The following DCC variants were observed in gnomAD, a reference collection of about 807,000 sequenced individuals.
DCC encodes DCC netrin 1 receptor.
In DCC, 58 loss-of-function variants were observed where a neutral mutation model predicts 172.5. The observed-to-expected ratio is 0.34, with a 90% CI of 0.27 to 0.42. The LOEUF (loss-of-function observed/expected upper bound fraction) is 0.42, where lower values mean the gene tolerates loss of function less well. DCC is among the 10% of genes least tolerant of loss of function. DCC has a pLI of 1.00. For missense variants in DCC, 1,740 were observed against 1,791.0 expected (o/e 0.97, Z 0.51); for synonymous variants, 709 against 644.5 (o/e 1.10, Z -1.52).
At chr18:53,018,771 C>T (rs1280576089) in intron 5 of DCC, among the ~76,000 whole-genome samples, 1 of 152,094 alleles carries the variant, frequency 6.6e-6, no homozygotes, top group Non-Finnish European at 1.5e-5. Context: ...ATGAATAAAA[C>T]ATGCTCTTTG....
chr18:52,531,413 T>G (rs186851088), intron 1 of DCC, among the ~76,000 whole-genome samples: 2 of 152,322 alleles, frequency 1.3e-5, no homozygotes, highest in African/African-American at 4.8e-5. Context: ...CAGCTTTAAC[T>G]AAAAGAAATA....
intron 1 of DCC, among the ~76,000 whole-genome samples, chr18:52,474,238 G>GAGAT (rs752420213): frequency 2.7e-5 from 2 of 75,176 alleles, no homozygotes; most frequent in African/African-American, 6.7e-5. Flanking sequence ...GAGAGAGAGA[G>GAGAT]AGAGAAAGAG....
chr18:52,888,597 A>G (rs998793722), intron 2 of DCC, among the ~76,000 whole-genome samples: 3 of 152,124 alleles, frequency 2.0e-5, no homozygotes, highest in Non-Finnish European at 2.9e-5. Flanking sequence ...AAAGTGTTCT[A>G]TTCTATAAAG....
At chr18:53,490,363 T>TATCA (rs1404896954) in intron 26 of DCC, among the ~76,000 whole-genome samples, 2 of 152,262 alleles carry the variant, frequency 1.3e-5, no homozygotes, top group Admixed American at 6.5e-5. Flanking sequence ...GCTATATTTC[T>TATCA]ATCAATCACA....
Position 53,493,613 on chromosome 18 carries a change from T to A in DCC, c.3899-5685T>A, listed in dbSNP as rs570904482. The stretch of plus-strand genomic sequence containing the variant: ...GATTTTTGTGGGATCAGTGGTGATA[T>A]CCCCTTTATCATTGTTGATTGTGCC... On this transcript the variant is annotated intron_variant, in intron 26 of 28. Coordinates refer to ENST00000442544, the MANE Select transcript of DCC (RefSeq NM_005215.4). Among the ~76,000 whole-genome samples, 7 of 152,316 alleles carry A rather than the reference T, an allele frequency of 4.6e-5. No individual in the cohort carries two copies. The East Asian group carries it at 9.7e-4, about 21-fold the overall frequency.
chr18:52,410,470 G>T (rs1329688783), intron 1 of DCC, among the ~76,000 whole-genome samples: 1 of 152,120 alleles, frequency 6.6e-6, no homozygotes, highest in Non-Finnish European at 1.5e-5. Context: ...TGTATGAAAA[G>T]TTTTGGTGTT....
intron 2 of DCC, among the ~76,000 whole-genome samples, chr18:52,846,314 G>C (rs2145329408): frequency 6.6e-6 from 1 of 152,238 alleles, no homozygotes; most frequent in South Asian, 2.1e-4. Flanking sequence ...AGCTGACGCA[G>C]GCAGATTTCA....
intron 1 of DCC, among the ~76,000 whole-genome samples, chr18:52,609,373 G>C (rs957110406): frequency 6.6e-6 from 1 of 151,862 alleles, no homozygotes; most frequent in Admixed American, 6.6e-5. Flanking sequence ...GACGAACAGA[G>C]GTTTTGATCT....
At chr18:53,018,834 T>C (rs921617087) in intron 5 of DCC, among the ~76,000 whole-genome samples, 5 of 152,190 alleles carry the variant, frequency 3.3e-5, no homozygotes, top group African/African-American at 9.6e-5. Flanking sequence ...GCATTTGGAC[T>C]TTCCTACATA....
chr18:53,207,250 T>C (rs2055667072), intron 10 of DCC, among the ~76,000 whole-genome samples: 1 of 152,150 alleles, frequency 6.6e-6, no homozygotes. Flanking sequence ...TGTGGCAAAG[T>C]GTCTGACAGT....
chr18:53,193,701 A>T (rs1371014729), intron 9 of DCC, among the ~76,000 whole-genome samples: 1 of 152,038 alleles, frequency 6.6e-6, no homozygotes, highest in Non-Finnish European at 1.5e-5. Context: ...CGTGAAACCT[A>T]CGTGTTAGGA....
At chr18:52,610,400 A>AAAAAAAAG (rs1568254431) in intron 1 of DCC, among the ~76,000 whole-genome samples, 2 of 128,934 alleles carry the variant, frequency 1.6e-5, no homozygotes, top group African/African-American at 5.6e-5. Context: ...AAAAAAAAAA[A>AAAAAAAAG]AAAAAAAGAA....
chr18:52,883,764 T>C (rs2039529681), intron 2 of DCC, among the ~76,000 whole-genome samples: 1 of 152,062 alleles, frequency 6.6e-6, no homozygotes, highest in African/African-American at 2.4e-5. Context: ...CGTTATAATA[T>C]CCTGTGTTTT....
chr18:53,016,258 C>T (rs2041806111), intron 5 of DCC, among the ~76,000 whole-genome samples: 1 of 152,030 alleles, frequency 6.6e-6, no homozygotes, highest in African/African-American at 2.4e-5. Flanking sequence ...TAAACCTATT[C>T]AACCAGAAAG....
chr18:53,026,284 T>C (rs1438943118), intron 5 of DCC, among the ~76,000 whole-genome samples: 2 of 152,146 alleles, frequency 1.3e-5, no homozygotes, highest in Non-Finnish European at 2.9e-5. Context: ...GTTGTTTCTT[T>C]CTTTTCTAAT....
intron 8 of DCC, among the ~76,000 whole-genome samples, chr18:53,177,659 G>A (rs2055127232): frequency 6.6e-6 from 1 of 152,194 alleles, no homozygotes. Context: ...TGGAAGAAGA[G>A]AACATGGTGA....
At chr18:53,345,754 T>C (rs1178588537) in intron 15 of DCC, among the ~76,000 whole-genome samples, 1 of 141,458 alleles carries the variant, frequency 7.1e-6, no homozygotes, top group Non-Finnish European at 1.6e-5. Flanking sequence ...GAATTCCGCA[T>C]TGACAGATTT....
chr18:52,449,602 T>G (rs2144513119), intron 1 of DCC, among the ~76,000 whole-genome samples: 1 of 152,286 alleles, frequency 6.6e-6, no homozygotes, highest in Middle Eastern at 3.4e-3. Flanking sequence ...AAAGGAAGAC[T>G]GGTTGGGAGT....
chr18:52,839,046 G>GA (rs908963359), intron 2 of DCC, among the ~76,000 whole-genome samples: 12 of 151,860 alleles, frequency 7.9e-5, no homozygotes, highest in Non-Finnish European at 1.5e-4. Flanking sequence ...GCAATCACAG[G>GA]AAAAAAAATA....
Sources: allele counts gnomAD v4.1 joint callset (sites outside exome capture counted in the v4.1 genomes callset), GRCh38; gene constraint gnomAD v4.1.1; transcripts MANE v1.5; gene names NCBI Gene and HGNC (gene_info 2026-07-23, HGNC 2026-07-21).